Variants in CNTN3 observed in about 807,000 individuals in gnomAD.
CNTN3 encodes contactin 3.
CNTN3 carries 60 observed loss-of-function variants against 119.1 expected under a neutral mutation model. The observed-to-expected ratio is 0.50, with a 90% CI of 0.41 to 0.62. The LOEUF is 0.62. Ranked by LOEUF, CNTN3 falls within the 20% of genes least tolerant of loss-of-function variation. The probability of loss-of-function intolerance (pLI) is 0.00; values close to 1 mark genes in which losing one functional copy is unlikely to be tolerated. For missense variants in CNTN3, 1,101 were observed against 1,242.4 expected (o/e 0.89, Z 1.71); for synonymous variants, 450 against 438.7 (o/e 1.03, Z -0.32).
chr3:74,430,080 T>G (rs1701758464), intron 4 of CNTN3, among the ~76,000 whole-genome samples: 1 of 152,216 alleles, frequency 6.6e-6, no homozygotes, highest in Admixed American at 6.5e-5. Context: ...AACATGTTTT[T>G]TAGTTTCCTG....
chr3:74,361,413 C>T (rs934345162), intron 11 of CNTN3, among the ~76,000 whole-genome samples: 7 of 152,192 alleles, frequency 4.6e-5, no homozygotes, highest in Non-Finnish European at 1.0e-4. Context: ...GACCATCCTG[C>T]TTCTTCATCT....
chr3:74,507,287 G>A (rs1465816159), intron 2 of CNTN3, among the ~76,000 whole-genome samples: 4 of 151,958 alleles, frequency 2.6e-5, no homozygotes, highest in Admixed American at 2.6e-4. Context: ...GCGCAGTAGT[G>A]CATGCCTATA....
chr3:74,534,602 A>G (rs1703737071), intron 1 of CNTN3, among the ~76,000 whole-genome samples: 1 of 152,106 alleles, frequency 6.6e-6, no homozygotes, highest in Non-Finnish European at 1.5e-5. Flanking sequence ...AACAGAAACT[A>G]TTCAGATATA....
chr3:74,395,076 T>A (rs1285792703), intron 5 of CNTN3, among the ~76,000 whole-genome samples: 1 of 152,144 alleles, frequency 6.6e-6, no homozygotes, highest in Non-Finnish European at 1.5e-5. Context: ...AAGTCTAGAT[T>A]AGATATTTGC....
At position 74,264,287 on chromosome 3, in the gene CNTN3, A is replaced by C. The variant is rs1045436098; in HGVS notation, c.*114T>G. ...TTATATTCATATTTACCTATAATGA[A>C]GTAGAAAGTTAAAAATAAGAGTTGA... On this transcript the variant is annotated 3_prime_UTR_variant, in exon 23 of 23. Transcript: ENST00000263665. The C allele has an allele frequency of 1.7e-4, 77 of 456,966 alleles. No homozygotes were observed. Among genetic ancestry groups the C allele is most frequent in the Middle Eastern group, 5.1e-4 (1 of 1,972 alleles). 28.3% of individuals were successfully genotyped at this position (456,966 alleles called of 1,614,324 possible).
intron 13 of CNTN3, among the ~76,000 whole-genome samples, chr3:74,321,817 T>C (rs1468656449): frequency 6.6e-6 from 1 of 152,196 alleles, no homozygotes; most frequent in Non-Finnish European, 1.5e-5. Flanking sequence ...CCTTGAAAGA[T>C]ATAATCTGCC....
At position 74,334,676 on chromosome 3, in the gene CNTN3, A is replaced by C. The variant is rs964963501; in HGVS notation, c.1668+59T>G. On this transcript the variant is annotated intron_variant, in intron 13 of 22. Coordinates refer to ENST00000263665, the MANE Select transcript of CNTN3 (RefSeq NM_020872.3). ...TGTCTATATGTCAGACAGTTTTCAG[A>C]AGCAATGTGCCAGAGACACATGCAA... 4 of 1,468,478 alleles carry C rather than the reference A, an allele frequency of 2.7e-6. No homozygotes were observed. The African/African-American group carries it at 5.6e-5, about 21-fold the overall frequency. 91.0% of individuals were successfully genotyped at this position (1,468,478 alleles called of 1,614,324 possible). A position where few individuals can be genotyped will look rare whatever the true frequency, so the allele number is the denominator to read the frequency against.
At chr3:74,434,209 C>A (rs1283985935) in intron 4 of CNTN3, among the ~76,000 whole-genome samples, 1 of 152,208 alleles carries the variant, frequency 6.6e-6, no homozygotes, top group Non-Finnish European at 1.5e-5. Context: ...TTCACACATT[C>A]TATTTGTAAA....
intron 13 of CNTN3, among the ~76,000 whole-genome samples, chr3:74,310,709 T>C (rs1702664896): frequency 6.6e-6 from 1 of 152,216 alleles, no homozygotes; most frequent in Non-Finnish European, 1.5e-5. Flanking sequence ...GGTCAAGACA[T>C]TCACAAAAGT....
chr3:74,319,329 T>C (rs1702920486), intron 13 of CNTN3, among the ~76,000 whole-genome samples: 3 of 152,096 alleles, frequency 2.0e-5, no homozygotes, highest in African/African-American at 7.2e-5. Context: ...TATAGATCAA[T>C]GGAATAGAAC....
At position 74,597,476 on chromosome 3, in the gene CNTN3, ACAGCCC is replaced by A. The variant is rs1182037503; in HGVS notation, c.-81+16909_-81+16914del. 2.6e-5 allele frequency among the ~76,000 whole-genome samples: 4 copies of A among 151,964 alleles called. No individual in the cohort carries two copies. The East Asian group carries it at 7.8e-4, about 30-fold the overall frequency. The stretch of plus-strand genomic sequence containing the variant: ...GGAATTTACAATTACTAAAAAGAAA[ACAGCCC>A]CAAATCCCACAACTCCTTTCACTTA... On this transcript the variant is annotated intron_variant, in intron 1 of 22. Transcript: ENST00000263665.
rs541030530 is a variant in CNTN3, at chr3:74,274,482, T to C, written c.2705-7104A>G. On this transcript the variant is annotated intron_variant, in intron 20 of 22. Transcript: ENST00000263665. ...ATAGATGGTTTACATCATAGGACTC[T>C]ATGCAGACAACCCCCAGTACAAGCC... is the stretch of plus-strand genomic sequence containing the variant. Among the ~76,000 whole-genome samples, 11 of 152,262 alleles carry C rather than the reference T, an allele frequency of 7.2e-5. No homozygotes were observed. In the South Asian group the frequency reaches 2.3e-3, roughly 32 times the overall value.
chr3:74,602,056 C>T (rs1704919279), intron 1 of CNTN3, among the ~76,000 whole-genome samples: 1 of 151,888 alleles, frequency 6.6e-6, no homozygotes, highest in Non-Finnish European at 1.5e-5. Context: ...TGCCTATAAT[C>T]CCAGTACTTT....
In CNTN3 at chr3:74,374,086, C is replaced by A. The variant is rs1389249786; in HGVS notation, c.455-2687G>T. Among the ~76,000 whole-genome samples the A allele has an allele frequency of 2.0e-5, 3 of 152,062 alleles. No homozygotes were observed. In the East Asian group the frequency reaches 5.8e-4, roughly 29 times the overall value. On this transcript the variant is annotated intron_variant, in intron 5 of 22. Coordinates refer to ENST00000263665, the MANE Select transcript of CNTN3 (RefSeq NM_020872.3). ...AGGTGCTAATGCTGGCTCGTTCCTG[C>A]CCCATGAAGGATTTCTCTAACGGGC...
chr3:74,366,760 G>GTA (rs1704198675), intron 8 of CNTN3, among the ~76,000 whole-genome samples: 5 of 58,614 alleles, frequency 8.5e-5, no homozygotes, highest in Non-Finnish European at 1.2e-4. Flanking sequence ...GTGTGTGTGC[G>GTA]TGTGTGTGTG....
At chr3:74,510,042 TTTTC>T (rs575144024) in intron 2 of CNTN3, among the ~76,000 whole-genome samples, 48 of 59,078 alleles carry the variant, frequency 8.1e-4, no homozygotes, top group Non-Finnish European at 1.6e-3. Context: ...TATATATAAG[TTTTC>T]ATATATATAT....
chr3:74,494,363 T>G (rs187987307), intron 3 of CNTN3, among the ~76,000 whole-genome samples: 184 of 152,290 alleles, frequency 1.2e-3, no homozygotes, highest in African/African-American at 4.2e-3. Flanking sequence ...ATCTAAAATC[T>G]AACCTTTATG....
chr3:74,279,781 C>T (rs1701961798), intron 20 of CNTN3, among the ~76,000 whole-genome samples: 2 of 151,898 alleles, frequency 1.3e-5, no homozygotes, highest in South Asian at 4.2e-4. Flanking sequence ...ACCCCACTAA[C>T]CTATGGAAAA....
chr3:74,407,285 T>TTTTTG, intron 5 of CNTN3, among the ~76,000 whole-genome samples: 1 of 145,274 alleles, frequency 6.9e-6, no homozygotes, highest in Non-Finnish European at 1.5e-5. Context: ...TTTTTTTTTT[T>TTTTTG]GAGACGGAGT....
Sources: allele counts gnomAD v4.1 joint callset (sites outside exome capture counted in the v4.1 genomes callset), GRCh38; gene constraint gnomAD v4.1.1; transcripts MANE v1.5; gene names NCBI Gene and HGNC (gene_info 2026-07-23, HGNC 2026-07-21).